Variants in NUTM2D observed in about 807,000 individuals in gnomAD.
The protein encoded by NUTM2D is NUT family member 2A pseudogene.
NUTM2D carries 2 observed loss-of-function variants against 43.5 expected under a neutral mutation model. The observed-to-expected ratio is 0.05, with a 90% CI of 0.02 to 0.14. The LOEUF (loss-of-function observed/expected upper bound fraction) is 0.14, where lower values mean the gene tolerates loss of function less well. NUTM2D is among the 10% of genes least tolerant of loss of function. The pLI is 1.00. For synonymous variants in NUTM2D, 24 were observed against 276.6 expected (o/e 0.09, Z 9.06); for missense variants, 48 against 668.7 (o/e 0.07, Z 10.24).
chr10:87,369,419 C>A (rs1850333260), downstream of NUTM2D: 1 of 151,206 alleles, frequency 6.6e-6, no homozygotes, highest in Non-Finnish European at 1.5e-5. Flanking sequence ...CAGACTGTGA[C>A]AAATACATTT....
At chr10:87,362,752 CCTT>C (rs1184749710) in intron 2 of NUTM2D, among the ~76,000 whole-genome samples, 14 of 146,284 alleles carry the variant, frequency 9.6e-5, no homozygotes, top group Non-Finnish European at 1.5e-5. Flanking sequence ...CCTGGCGTCT[CCTT>C]CTGCCCTTAT....
intron 5 of NUTM2D, among the ~76,000 whole-genome samples, chr10:87,365,409 GGT>G (rs1466222220): frequency 2.0e-5 from 3 of 148,814 alleles, no homozygotes; most frequent in Non-Finnish European, 4.5e-5. Flanking sequence ...TGTCTGTGTG[GGT>G]GTGAGTGTGG....
intron 1 of NUTM2D, among the ~76,000 whole-genome samples, chr10:87,360,011 G>A (rs1850249701): frequency 1.4e-5 from 2 of 145,186 alleles, no homozygotes; most frequent in African/African-American, 5.2e-5. Flanking sequence ...AAGAGCGTCA[G>A]GAAAAGGAAG....
downstream of NUTM2D, chr10:87,370,581 G>A (rs1382181319): frequency 6.6e-6 from 1 of 152,118 alleles, no homozygotes; most frequent in African/African-American, 2.4e-5. Context: ...TTCGCCACTT[G>A]TATATCTTCT....
Position 87,364,941 on chromosome 10 carries a change from C to T in NUTM2D, c.1256C>T (p.Thr419Ile). The part of the protein sequence containing the change: ...PPPRPHRRAE[T>I]KARLPPPRPQ... ...CCCCGGCCCCACCGGCGAGCAGAGA[C>T]CAAGGCCCGCCTGCCACCACCCAGG... is the stretch of plus-strand genomic sequence containing the variant. Residue 419 changes from threonine to isoleucine, a missense_variant, in exon 5 of 7, where the codon ACC (threonine) becomes ATC (isoleucine). Coordinates refer to ENST00000381697, the MANE Select transcript of NUTM2D (RefSeq NM_001382304.1). 1.2e-6 allele frequency: 1 copy of T among 813,192 alleles called. No individual in the cohort carries two copies. Among genetic ancestry groups the T allele is most frequent in the Non-Finnish European group, 1.8e-6 (1 of 563,538 alleles). The allele number at this position is 813,192 out of a possible 1,614,324, so 50.4% of individuals were successfully genotyped here.
Position 87,361,646 on chromosome 10 carries a change from G to A in NUTM2D, c.866+466G>A, listed in dbSNP as rs1216880573. On this transcript the variant is annotated intron_variant, in intron 2 of 6. Coordinates refer to ENST00000381697, the MANE Select transcript of NUTM2D (RefSeq NM_001382304.1). ...TCCGCTGAGGTCCAGTTAGCACAGC[G>A]GTGGTGGAGCCTGCACAGGGGGATG... is the stretch of plus-strand genomic sequence containing the variant. Among the ~76,000 whole-genome samples the A allele has an allele frequency of 3.2e-4, 17 of 53,142 alleles. 8 individuals carry two copies. The highest frequency in any genetic ancestry group is 0.019 in the Middle Eastern group (2 of 108). 34.9% of individuals were successfully genotyped at this position (53,142 alleles called of 152,430 possible). A position where few individuals can be genotyped will look rare whatever the true frequency, so the allele number is the denominator to read the frequency against.
rs746561429 is a variant in NUTM2D at position 87,360,846 on chromosome 10, G to C, written c.532G>C (p.Ala178Pro). 1 of 740,566 alleles carries C rather than the reference G, an allele frequency of 1.4e-6. No homozygotes were observed. The highest frequency in any genetic ancestry group is 1.9e-6 in the Non-Finnish European group (1 of 521,448). 45.9% of individuals were successfully genotyped at this position (740,566 alleles called of 1,614,324 possible). ...TGTGTGTCCACCTCCCCTACTCCTG[G>C]CAGCTGCTCCTGTGGTGCCTGTTAT... ...GVVCPPPLLL[A>P]AAPVVPVMAA... The change falls in exon 2 of 7, where the codon GCA (alanine) becomes CCA (proline). Residue 178 changes from alanine to proline, a missense_variant. Transcript: ENST00000381697.
At position 87,361,123 on chromosome 10, in the gene NUTM2D, TG is replaced by T. The variant is rs1850259720; in HGVS notation, c.811del (p.Ala271ProfsTer32). 1 of 1,425,190 alleles carries T rather than the reference TG, an allele frequency of 7.0e-7. No homozygotes were observed. The highest frequency in any genetic ancestry group is 9.4e-7 in the Non-Finnish European group (1 of 1,065,338). The allele number at this position is 1,425,190 out of a possible 1,614,324, so 88.3% of individuals were successfully genotyped here. A position where few individuals can be genotyped will look rare whatever the true frequency, so the allele number is the denominator to read the frequency against. ...NFRLWQHYKP[L>X]ARRHLPQSPD... ...CGACTCTGGCAGCACTACAAGCCCC[TG>T]GCCCGGAGGCACCTTCCCCAGAGTC... On this transcript the variant is annotated frameshift_variant, in exon 2 of 7. Coordinates refer to ENST00000381697, the MANE Select transcript of NUTM2D (RefSeq NM_001382304.1). LOFTEE classifies it high-confidence loss of function.
chr10:87,359,879 CT>C (rs1850247903), intron 1 of NUTM2D, among the ~76,000 whole-genome samples: 1 of 152,384 alleles, frequency 6.6e-6, no homozygotes, highest in South Asian at 2.1e-4. Context: ...AGGACAATCA[CT>C]TGCATGCTGG....
chr10:87,369,930 C>A (rs1198373154), downstream of NUTM2D: 3 of 151,956 alleles, frequency 2.0e-5, no homozygotes, highest in African/African-American at 7.3e-5. Context: ...GCAAGGCTTG[C>A]CCCCGTTAGT....
At chr10:87,369,565 G>T (rs1360100131), downstream of NUTM2D, 20 of 152,100 alleles carry the variant, frequency 1.3e-4, no homozygotes, top group Non-Finnish European at 7.3e-5. Context: ...AGAGCCACGG[G>T]AAAGAAAGGC....
chr10:87,370,026 G>T (rs948627593), downstream of NUTM2D: 7 of 152,116 alleles, frequency 4.6e-5, no homozygotes, highest in African/African-American at 1.7e-4. Flanking sequence ...TCTAACTTCA[G>T]CGTTGCATGA....
intron 1 of NUTM2D, among the ~76,000 whole-genome samples, chr10:87,360,071 C>A (rs1313435075): frequency 8.9e-6 from 1 of 112,042 alleles, no homozygotes; most frequent in Admixed American, 9.1e-5. Flanking sequence ...GGCTTCCTGT[C>A]GGCCTTCTGA....
intron 5 of NUTM2D, 101 bp downstream of exon 5, chr10:87,365,304 T>C: frequency 6.4e-7 from 1 of 1,574,392 alleles, no homozygotes; most frequent in Non-Finnish European, 8.6e-7. Context: ...GCAGTGTGTG[T>C]ATTTCCAAGG....
At chr10:87,367,458 A>T (rs1291836057), downstream of NUTM2D, 31 of 1,410,638 alleles carry the variant, frequency 2.2e-5, 1 homozygote, top group Non-Finnish European at 2.8e-5. Flanking sequence ...CGTTATCAGC[A>T]TCCCTGGAAA....
At chr10:87,367,251 CTG>C, downstream of NUTM2D, 1 of 1,464,386 alleles carries the variant, frequency 6.8e-7, no homozygotes, top group Non-Finnish European at 9.5e-7. Flanking sequence ...TGGAGGGTGT[CTG>C]TGAGGGAGGG....
chr10:87,366,567 C>A lies in NUTM2D; in HGVS notation c.2064C>A (p.Ser688Arg), dbSNP rs1170399212. The A allele has an allele frequency of 1.6e-6, 1 of 616,436 alleles. No homozygotes were observed. 38.2% of individuals were successfully genotyped at this position (616,436 alleles called of 1,614,324 possible). The change falls in exon 7 of 7, where the codon AGC becomes AGA. Residue 688 changes from serine to arginine, a missense_variant. Ser to Arg is a moderately radical substitution (Grantham distance 110). Transcript: ENST00000381697. ...CAAGTGAGGAGGAGGAACTCCCCAGCCTGGCCTTCCTCTTGGGTTCCCAGC... is the reference window on the plus strand; with the variant it reads ...CAAGTGAGGAGGAGGAACTCCCCAGACTGGCCTTCCTCTTGGGTTCCCAGC... ...QGSSEEEELPSLAFLLGSQHK... is the reference protein window; with the variant it reads ...QGSSEEEELPRLAFLLGSQHK...
At chr10:87,367,657 A>G, downstream of NUTM2D, 1 of 477,918 alleles carries the variant, frequency 2.1e-6, no homozygotes, top group South Asian at 2.6e-5. Context: ...TTGGGATACG[A>G]TGATGGGTGG....
At chr10:87,370,522 G>A (rs1457161024), downstream of NUTM2D, 3 of 152,102 alleles carry the variant, frequency 2.0e-5, no homozygotes, top group Non-Finnish European at 4.4e-5. Flanking sequence ...GCATCTCATC[G>A]TAGTTTGCAT....
Sources: allele counts gnomAD v4.1 joint callset (sites outside exome capture counted in the v4.1 genomes callset), GRCh38; gene constraint gnomAD v4.1.1; transcripts MANE v1.5; gene names NCBI Gene and HGNC (gene_info 2026-07-23, HGNC 2026-07-21).